Variants in NPHP4 observed in about 807,000 individuals in gnomAD.
NPHP4 encodes the protein nephrocystin-4.
Under a neutral mutation model 155.8 loss-of-function variants are expected in NPHP4, and 151 were observed. The ratio of observed to expected loss-of-function variants is 0.97; its 90% CI spans 0.85 to 1.11. The LOEUF (loss-of-function observed/expected upper bound fraction) is 1.11, where lower values mean the gene tolerates loss of function less well. Ranked by LOEUF, NPHP4 falls within the 50% of genes least tolerant of loss-of-function variation. The pLI is 0.00. For synonymous variants in NPHP4, 845 were observed against 816.8 expected, an observed-to-expected ratio of 1.03 and a Z score of -0.59; for missense variants, 1,956 against 1,925.7, an observed-to-expected ratio of 1.02 and a Z score of -0.29.
chr1:5,879,867 ACAC>A (rs1643073102), intron 19 of NPHP4, among the ~76,000 whole-genome samples: 1 of 150,360 alleles, frequency 6.7e-6, no homozygotes, highest in Non-Finnish European at 1.5e-5. Flanking sequence ...ACACGCACAC[ACAC>A]ATGCACACAC....
intron 10 of NPHP4, among the ~76,000 whole-genome samples, chr1:5,929,991 A>G (rs560472267): frequency 2.0e-5 from 3 of 152,272 alleles, no homozygotes; most frequent in Non-Finnish European, 4.4e-5. Flanking sequence ...TTATAGGACT[A>G]CTCAGGTCAT....
At chr1:5,964,941 A>ATAAATATTTTTTTTTTTTTTTTTTTTT in intron 5 of NPHP4, among the ~76,000 whole-genome samples, 1 of 59,428 alleles carries the variant, frequency 1.7e-5, no homozygotes, top group African/African-American at 8.5e-5. Flanking sequence ...ATATATATAT[A>ATAAATATTTTTTTTTTTTTTTTTTTTT]TTTTTTTTTT....
intron 11 of NPHP4, among the ~76,000 whole-genome samples, chr1:5,915,464 T>C (rs1645424122): frequency 1.3e-5 from 2 of 152,134 alleles, no homozygotes. Context: ...TTCCTAACTA[T>C]TTGTAGGTAA....
chr1:5,867,837 C>T lies in NPHP4; in HGVS notation c.3375G>A (p.Leu1125=). The part of the protein sequence containing the change: ...PIAVLCLTVE[L]QPHVVDQVFR... ...AGACCTGGTCCACCACGTGGGGCTG[C>T]AGCTCCACAGTCAGGCAGAGCACGG... The change falls in exon 24 of 30, where the codon CTG becomes CTA. Residue 1125 remains leucine (L), a synonymous_variant. Transcript: ENST00000378156. The surrounding 1 kb of genome is among the most constrained non-coding windows in gnomAD (Gnocchi z 4.1). 1.2e-6 allele frequency: 2 copies of T among 1,613,850 alleles called. No homozygotes were observed. Among genetic ancestry groups the T allele is most frequent in the Admixed American group, 1.7e-5 (1 of 60,030 alleles).
chr1:5,926,473 T>A (rs1646010656), intron 11 of NPHP4, among the ~76,000 whole-genome samples: 1 of 152,244 alleles, frequency 6.6e-6, no homozygotes, highest in African/African-American at 2.4e-5. Context: ...ATATTTTTTT[T>A]TAAATGTGTC....
chr1:5,977,845 G>A (rs566737129), intron 3 of NPHP4, among the ~76,000 whole-genome samples: 1 of 124,332 alleles, frequency 8.0e-6, no homozygotes, highest in South Asian at 3.1e-4. Context: ...CAGGAGGGAG[G>A]GAAGAAAGGA....
chr1:5,944,377 G>A lies in NPHP4; in HGVS notation c.1119+2727C>T, dbSNP rs1053013299. 6.6e-6 allele frequency among the ~76,000 whole-genome samples: 1 copy of A among 152,222 alleles called. No individual in the cohort carries two copies. The highest frequency in any genetic ancestry group is 1.5e-5 in the Non-Finnish European group (1 of 68,036). On this transcript the variant is annotated intron_variant, in intron 9 of 29. Transcript: ENST00000378156. The surrounding 1 kb of genome is among the most constrained non-coding windows in gnomAD (Gnocchi z 4.3). ...GCAGACGGGGTGGCTGAGGTGGGAG[G>A]GCCCTGCCACAGCCCGCCCTGGGCC...
In NPHP4 at chr1:5,887,297, A is replaced by G. The variant is rs1643874643; in HGVS notation, c.2474T>C (p.Leu825Ser). 6.2e-7 allele frequency: 1 copy of G among 1,612,870 alleles called. No individual in the cohort carries two copies. Among genetic ancestry groups the G allele is most frequent in the Non-Finnish European group, 8.5e-7 (1 of 1,179,672 alleles). Residue 825 changes from leucine to serine, a missense_variant, in exon 18 of 30, where the codon TTG becomes TCG. Transcript: ENST00000378156. The part of the protein sequence containing the change: ...SVVKGRLHLT[L>S]ANVGHPCEQK... ...CTGGGGACTCTTACCCACGTTGGCC[A>G]AAGTCAGGTGCAGCCGGCCCTTCAC...
At chr1:5,873,795 T>C (rs530445379) in intron 22 of NPHP4, 84 of 276,890 alleles carry the variant, frequency 3.0e-4, no homozygotes, top group African/African-American at 1.9e-3. Context: ...CACCACCCCC[T>C]GCACACAAGT....
intron 11 of NPHP4, among the ~76,000 whole-genome samples, chr1:5,914,939 G>A (rs1241223132): frequency 6.6e-6 from 1 of 152,176 alleles, no homozygotes; most frequent in Non-Finnish European, 1.5e-5. Context: ...ACCCTGAAAC[G>A]CACCTGTCCT....
At chr1:5,986,853 T>C (rs982616129) in intron 1 of NPHP4, among the ~76,000 whole-genome samples, 13 of 152,102 alleles carry the variant, frequency 8.5e-5, no homozygotes, top group South Asian at 2.1e-4. Context: ...GCTGTGTAAG[T>C]TGGATACCAC....
intron 5 of NPHP4, 50 bp downstream of exon 5, chr1:5,967,249 G>A: frequency 7.1e-7 from 1 of 1,416,732 alleles, no homozygotes. Context: ...GGAACACTCA[G>A]GGAAGGCACG....
intron 22 of NPHP4, 85 bp downstream of exon 22, chr1:5,874,386 G>C (rs1642330387): frequency 2.3e-6 from 3 of 1,284,466 alleles, no homozygotes; most frequent in Non-Finnish European, 3.2e-6. Context: ...AGGTAAGGGA[G>C]GGACACTGGT....
rs1164322936 is a variant in NPHP4, at chr1:5,961,781, A to C, written c.673+13T>G. 3 of 1,606,914 alleles carry C rather than the reference A, an allele frequency of 1.9e-6. No individual in the cohort carries two copies. In the African/African-American group the frequency reaches 4.0e-5, roughly 21 times the overall value. The stretch of plus-strand genomic sequence containing the variant: ...TCACCTCACCAAGTGGAGAGAATCA[A>C]AGACGCCCTTACCGGATTCTCCATG... On this transcript the variant is annotated intron_variant, in intron 6 of 29. Transcript: ENST00000378156.
At chr1:5,974,701 A>G (rs1325987349) in intron 3 of NPHP4, among the ~76,000 whole-genome samples, 3 of 148,226 alleles carry the variant, frequency 2.0e-5, no homozygotes, top group Admixed American at 2.0e-4. Context: ...AAAAAAAAAA[A>G]CCACCCAGCT....
chr1:5,938,099 C>T (rs1397274576), intron 9 of NPHP4, among the ~76,000 whole-genome samples: 1 of 152,228 alleles, frequency 6.6e-6, no homozygotes, highest in African/African-American at 2.4e-5. Context: ...CAGGAGCATC[C>T]TTGGAGGTGG....
At chr1:5,931,299 C>T (rs1028784047) in intron 10 of NPHP4, among the ~76,000 whole-genome samples, 1 of 151,476 alleles carries the variant, frequency 6.6e-6, no homozygotes, top group African/African-American at 2.4e-5. Context: ...CAGTTCCAAA[C>T]CACTACAATA....
intron 3 of NPHP4, 35 bp from the exon 4 acceptor site, chr1:5,969,294 T>C (rs1652124135): frequency 4.8e-6 from 7 of 1,451,960 alleles, no homozygotes; most frequent in Non-Finnish European, 6.5e-6. Flanking sequence ...GTCTGAGTGT[T>C]CAGGACACAC....
chr1:5,909,130 G>A lies in NPHP4; in HGVS notation c.1503+22C>T, dbSNP rs549881425. The stretch of plus-strand genomic sequence containing the variant: ...AATTGACTCTGGAATTCTGAAGGAG[G>A]CCGTGGGGGGCCTGGACTTACCCCT... On this transcript the variant is annotated intron_variant, in intron 12 of 29. Coordinates refer to ENST00000378156, the MANE Select transcript of NPHP4 (RefSeq NM_015102.5). 2.3e-5 allele frequency: 36 copies of A among 1,569,722 alleles called. 1 individual carries two copies. The South Asian group carries it at 4.1e-4, about 18-fold the overall frequency.
Sources: allele counts gnomAD v4.1 joint callset (sites outside exome capture counted in the v4.1 genomes callset), GRCh38; gene constraint gnomAD v4.1.1; non-coding constraint Gnocchi (gnomAD v3.1); transcripts MANE v1.5; gene names NCBI Gene and HGNC (gene_info 2026-07-23, HGNC 2026-07-21).